PLXNC1: variants seen among roughly 807,000 people sequenced by gnomAD.
The protein encoded by PLXNC1 is plexin-C1.
Under a neutral mutation model 178.2 loss-of-function variants are expected in PLXNC1, and 75 were observed. That is an observed-to-expected ratio of 0.42 (90% CI 0.35 to 0.51). The LOEUF (loss-of-function observed/expected upper bound fraction) is 0.51. PLXNC1 is among the 20% of genes least tolerant of loss of function. The probability of loss-of-function intolerance (pLI) is 0.02; values close to 1 mark genes in which losing one functional copy is unlikely to be tolerated. For synonymous variants in PLXNC1, 790 were observed against 779.9 expected (o/e 1.01, Z -0.22); for missense variants, 1,503 against 1,984.4 (o/e 0.76, Z 4.61).
At chr12:94,204,033 G>T (rs1252789378) in intron 4 of PLXNC1, among the ~76,000 whole-genome samples, 3 of 152,156 alleles carry the variant, frequency 2.0e-5, no homozygotes, top group Non-Finnish European at 4.4e-5. Flanking sequence ...CAGCAATAAG[G>T]CCCTCGCCAG....
At chr12:94,214,220 G>C (rs1452982411) in intron 5 of PLXNC1, among the ~76,000 whole-genome samples, 1 of 150,848 alleles carries the variant, frequency 6.6e-6, no homozygotes, top group East Asian at 1.9e-4. Context: ...AAGTAGCTGG[G>C]ACTACAGGTG....
In PLXNC1 at chr12:94,148,736, G is replaced by C; in HGVS notation, c.-236G>C. The C allele has an allele frequency of 6.6e-6, 1 of 151,736 alleles. No homozygotes were observed. The highest frequency in any genetic ancestry group is 6.6e-5 in the Admixed American group (1 of 15,262). 9.4% of individuals were successfully genotyped at this position (151,736 alleles called of 1,614,324 possible). The stretch of plus-strand genomic sequence containing the variant: ...CGGCGAAGGAGGGCGAGGAGGAAAC[G>C]GTGCCGGAGCGCGCAGGGCTTGCTG... On this transcript the variant is annotated 5_prime_UTR_variant, in exon 1 of 31. Transcript: ENST00000258526. The surrounding 1 kb of genome is among the most constrained non-coding windows in gnomAD (Gnocchi z 4.8).
chr12:94,186,489 T>C lies in PLXNC1; in HGVS notation c.1439+16T>C. On this transcript the variant is annotated intron_variant, in intron 4 of 30. Coordinates refer to ENST00000258526, the MANE Select transcript of PLXNC1 (RefSeq NM_005761.3). ...CGCTACAAAGGTATCTCCTGAATTC[T>C]TTCTCACCAACTCGCATTTTTGAAA... 2.6e-6 allele frequency: 4 copies of C among 1,562,440 alleles called. No individual in the cohort carries two copies. The highest frequency in any genetic ancestry group is 3.5e-6 in the Non-Finnish European group (4 of 1,132,964).
intron 21 of PLXNC1, among the ~76,000 whole-genome samples, chr12:94,273,110 C>A (rs565147937): frequency 6.6e-6 from 1 of 152,330 alleles, no homozygotes; most frequent in African/African-American, 2.4e-5. Context: ...AATAATGGCA[C>A]CTACTTCATA....
intron 10 of PLXNC1, among the ~76,000 whole-genome samples, chr12:94,238,768 C>T (rs528448185): frequency 6.6e-6 from 1 of 152,320 alleles, no homozygotes; most frequent in East Asian, 1.9e-4. Context: ...ATTTTCTGCA[C>T]ATCACTGCCA....
intron 4 of PLXNC1, among the ~76,000 whole-genome samples, chr12:94,193,105 C>A (rs545316010): frequency 1.5e-4 from 23 of 152,048 alleles, no homozygotes; most frequent in Admixed American, 3.3e-4. Context: ...GTGTAGGGAC[C>A]AGGCTGTACA....
intron 2 of PLXNC1, 108 bp downstream of exon 2, chr12:94,169,401 A>C (rs1961757499): frequency 1.6e-5 from 14 of 868,924 alleles, no homozygotes; most frequent in Non-Finnish European, 2.6e-5. Flanking sequence ...CAAACCAAGA[A>C]CTTCATGAAC....
chr12:94,264,304 G>A (rs895763063), intron 20 of PLXNC1, among the ~76,000 whole-genome samples: 1 of 152,150 alleles, frequency 6.6e-6, no homozygotes, highest in Non-Finnish European at 1.5e-5. Context: ...CAGCAGGGGA[G>A]GCAGCCCCAC....
intron 4 of PLXNC1, among the ~76,000 whole-genome samples, chr12:94,194,940 G>A (rs548337543): frequency 6.6e-5 from 10 of 152,306 alleles, no homozygotes; most frequent in Admixed American, 5.9e-4. Context: ...CAACGAGGAG[G>A]TGGCCTTAAA....
intron 4 of PLXNC1, among the ~76,000 whole-genome samples, chr12:94,191,721 T>C (rs775261176): frequency 2.0e-5 from 3 of 150,376 alleles, no homozygotes; most frequent in African/African-American, 4.9e-5. Flanking sequence ...GAGACGGAGG[T>C]TGCAGTGAGC....
intron 26 of PLXNC1, 42 bp downstream of exon 26, chr12:94,297,465 G>T: frequency 7.5e-7 from 1 of 1,326,042 alleles, no homozygotes; most frequent in Non-Finnish European, 1.1e-6. Context: ...CTACCTAGGG[G>T]GTGTATGATA....
Position 94,282,388 on chromosome 12 carries a change from T to A in PLXNC1, c.3866T>A (p.Ile1289Asn). ...GATGGAATCACCAAGCTAAACACCA[T>A]TGGCCACTATGAGGTAAGAGCAAGA... ...LEDGITKLNT[I>N]GHYEISNGST... The change falls in exon 23 of 31, where the codon ATT (isoleucine) becomes AAT (asparagine). Residue 1289 changes from isoleucine to asparagine, a missense_variant. By Grantham distance (149) the Ile-to-Asn change is moderately radical (BLOSUM62 -3). Transcript: ENST00000258526. 1.2e-6 allele frequency: 2 copies of A among 1,609,572 alleles called. No homozygotes were observed. The highest frequency in any genetic ancestry group is 1.7e-6 in the Non-Finnish European group (2 of 1,175,838).
At chr12:94,205,604 G>A (rs111376560) in intron 4 of PLXNC1, among the ~76,000 whole-genome samples, 6 of 152,174 alleles carry the variant, frequency 3.9e-5, no homozygotes, top group African/African-American at 1.2e-4. Context: ...GTCCAGGGCC[G>A]CCTGAAATTT....
At chr12:94,301,148 T>C in intron 28 of PLXNC1, 91 bp downstream of exon 28, 1 of 1,126,338 alleles carries the variant, frequency 8.9e-7, no homozygotes, top group South Asian at 1.5e-5. Flanking sequence ...AAACAATTGG[T>C]CTAAACTACA....
chr12:94,277,710 G>A, intron 21 of PLXNC1: 1 of 342,866 alleles, frequency 2.9e-6, no homozygotes, highest in South Asian at 2.2e-5. Context: ...GCTGTCCAAT[G>A]TGGGCTGAAT....
intron 20 of PLXNC1, among the ~76,000 whole-genome samples, chr12:94,263,177 C>T (rs1003313235): frequency 6.6e-6 from 1 of 152,198 alleles, no homozygotes; most frequent in African/African-American, 2.4e-5. Flanking sequence ...ATCAGCCACA[C>T]ATCAGAATCC....
At chr12:94,214,301 G>A (rs1275856779) in intron 5 of PLXNC1, among the ~76,000 whole-genome samples, 1 of 150,856 alleles carries the variant, frequency 6.6e-6, no homozygotes, top group African/African-American at 2.4e-5. Context: ...TGCCCAGGCT[G>A]GTCTCAAACC....
Position 94,282,410 on chromosome 12 carries a change from A to C in PLXNC1, c.3879+9A>C. On this transcript the variant is annotated intron_variant, in intron 23 of 30. Coordinates refer to ENST00000258526, the MANE Select transcript of PLXNC1 (RefSeq NM_005761.3). ...CCATTGGCCACTATGAGGTAAGAGCAAGACTTGACCCCGTGTCTCCTTCCT... is the reference window on the plus strand; with the variant it reads ...CCATTGGCCACTATGAGGTAAGAGCCAGACTTGACCCCGTGTCTCCTTCCT... 6.4e-7 allele frequency: 1 copy of C among 1,562,962 alleles called. No homozygotes were observed. The highest frequency in any genetic ancestry group is 8.8e-7 in the Non-Finnish European group (1 of 1,133,872).
intron 17 of PLXNC1, among the ~76,000 whole-genome samples, chr12:94,257,908 C>CAAAAA (rs562649991): frequency 1.4e-5 from 2 of 141,984 alleles, no homozygotes; most frequent in Non-Finnish European, 3.0e-5. Flanking sequence ...GACTCTGTCT[C>CAAAAA]AAAAAAAATA....
Sources: gnomAD v4.1 joint callset for allele counts (sites outside exome capture counted in the v4.1 genomes callset) on GRCh38, gnomAD v4.1.1 for gene constraint, Gnocchi (gnomAD v3.1) non-coding constraint, MANE v1.5 for transcripts, NCBI Gene and HGNC (gene_info 2026-07-23, HGNC 2026-07-21) for gene names.